The following CD96 variants were observed in gnomAD, a reference collection of about 807,000 sequenced individuals.
The protein encoded by CD96 is T-cell surface protein tactile.
A neutral mutation model predicts 71.3 loss-of-function variants in CD96; 70 were observed. The observed-to-expected ratio is 0.98, with a 90% CI of 0.81 to 1.20. CD96 has a LOEUF of 1.20. CD96 is among the 50% of genes most tolerant of loss of function. CD96 has a pLI of 0.00. For synonymous variants in CD96, 248 were observed against 233.0 expected (o/e 1.06, Z -0.59); for missense variants, 742 against 677.5 (o/e 1.10, Z -1.06).
chr3:111,616,516 T>C (rs1938244968), intron 8 of CD96, among the ~76,000 whole-genome samples: 1 of 151,826 alleles, frequency 6.6e-6, no homozygotes, highest in Non-Finnish European at 1.5e-5. Flanking sequence ...GTGCTAGACA[T>C]CATGAGTGAG....
downstream of CD96, among the ~76,000 whole-genome samples, chr3:111,654,172 T>A (rs1940173490): frequency 6.6e-6 from 1 of 152,218 alleles, no homozygotes; most frequent in African/African-American, 2.4e-5. Flanking sequence ...CCTAACCGAC[T>A]GTTTGACAAC....
intron 1 of CD96, 99 bp from the exon 2 acceptor site, chr3:111,544,947 C>A: frequency 1.0e-6 from 1 of 965,380 alleles, no homozygotes; most frequent in Non-Finnish European, 1.7e-6. Context: ...GAAATTTCCT[C>A]AGTTGCTCCC....
intron 10 of CD96, among the ~76,000 whole-genome samples, chr3:111,633,085 T>A (rs982446991): frequency 6.6e-6 from 1 of 152,208 alleles, no homozygotes; most frequent in African/African-American, 2.4e-5. Context: ...GCATTTGATT[T>A]AAAGTGAGAA....
chr3:111,623,792 A>G lies in CD96; in HGVS notation c.1219A>G (p.Ser407Gly). 1 of 1,612,608 alleles carries G rather than the reference A, an allele frequency of 6.2e-7. No individual in the cohort carries two copies. The highest frequency in any genetic ancestry group is 8.5e-7 in the Non-Finnish European group (1 of 1,178,590). Residue 407 changes from serine (S) to glycine (G), a missense_variant, in exon 9 of 14, where the codon AGT becomes GGT. Coordinates refer to ENST00000352690, the MANE Select transcript of CD96 (RefSeq NM_005816.5). ...ATCTTCAGTGACCCTTGTAGATGTGAGTGCCTTGAGGCCAAACACCACTCC... is the reference window on the plus strand; with the variant it reads ...ATCTTCAGTGACCCTTGTAGATGTGGGTGCCTTGAGGCCAAACACCACTCC... ...ATSSVTLVDV[S>G]ALRPNTTPQP...
chr3:111,594,990 C>T (rs1338103958), intron 5 of CD96: 1 of 167,034 alleles, frequency 6.0e-6, no homozygotes, highest in African/African-American at 2.4e-5. Flanking sequence ...AGGTGGAGCA[C>T]ATCTTCACAA....
At chr3:111,570,966 GC>G in intron 3 of CD96, 1 of 1,541,218 alleles carries the variant, frequency 6.5e-7, no homozygotes, top group Non-Finnish European at 9.0e-7. Context: ...GTGCTCTGAG[GC>G]CACCAGAGTG....
At chr3:111,597,982 A>T in intron 5 of CD96, 138 bp from the exon 6 acceptor site, 1 of 677,194 alleles carries the variant, frequency 1.5e-6, no homozygotes. Context: ...CCTATATTAA[A>T]AGTAGACATT....
intron 10 of CD96, among the ~76,000 whole-genome samples, chr3:111,628,559 C>T (rs981812408): frequency 2.0e-5 from 3 of 152,072 alleles, no homozygotes; most frequent in African/African-American, 7.2e-5. Flanking sequence ...GATTGGGGTA[C>T]CTGAAAGAGA....
Position 111,545,300 on chromosome 3 carries a change from A to G in CD96, c.316A>G (p.Arg106Gly). The change falls in exon 2 of 14, where the codon AGG becomes GGG. Residue 106 changes from arginine (R) to glycine (G), a missense_variant. Arg to Gly is a moderately radical substitution (Grantham distance 125). Transcript: ENST00000352690. ...ENGSKWTLHL[R>G]NMSCSVSGRY... is the part of the protein sequence containing the mutation. ...TGGGTCAAAATGGACTCTGCACTTA[A>G]GGAATATGTCTTGTTCAGTCAGTGG... The G allele has an allele frequency of 3.1e-6, 5 of 1,614,092 alleles. No homozygotes were observed. Among genetic ancestry groups the G allele is most frequent in the Non-Finnish European group, 4.2e-6 (5 of 1,179,922 alleles).
At chr3:111,659,426 T>C (rs1415578050) in intron 14 of CD96, among the ~76,000 whole-genome samples, 2 of 152,214 alleles carry the variant, frequency 1.3e-5, no homozygotes, top group Non-Finnish European at 2.9e-5. Context: ...GGTTTTCTAT[T>C]CTTTTAGGTG....
At chr3:111,582,693 T>C (rs1276531804) in intron 4 of CD96, among the ~76,000 whole-genome samples, 1 of 152,200 alleles carries the variant, frequency 6.6e-6, no homozygotes, top group Non-Finnish European at 1.5e-5. Flanking sequence ...TGAAAGGCAC[T>C]TCTTACATGG....
chr3:111,555,745 C>T (rs1350040408), intron 2 of CD96, among the ~76,000 whole-genome samples: 1 of 152,286 alleles, frequency 6.6e-6, no homozygotes, highest in Non-Finnish European at 1.5e-5. Flanking sequence ...TGTGTTTGTC[C>T]TATTCAGGTT....
At chr3:111,654,930 G>T (rs551644593), downstream of CD96, among the ~76,000 whole-genome samples, 1 of 152,226 alleles carries the variant, frequency 6.6e-6, no homozygotes, top group African/African-American at 2.4e-5. Flanking sequence ...AAGTTTGATA[G>T]TGGACCTCAT....
chr3:111,624,533 T>G, intron 10 of CD96, 129 bp downstream of exon 10: 1 of 706,960 alleles, frequency 1.4e-6, no homozygotes, highest in Non-Finnish European at 2.6e-6. Context: ...TCTATCATGT[T>G]TAAAGTATTG....
chr3:111,638,122 C>T lies in CD96; in HGVS notation c.1431C>T (p.Pro477=), dbSNP rs750238731. Residue 477 remains proline, a synonymous_variant, in exon 12 of 14, where the codon CCC becomes CCT. Transcript: ENST00000352690. ...CAGCCAGAGCATTTTCAGAAGTCCC[C>T]ACAACTGCCAATGGATCTACGAAAA... ...TSTARAFSEV[P]TTANGSTKTN... is the part of the protein sequence containing the mutation. The T allele has an allele frequency of 6.2e-7, 1 of 1,611,752 alleles. No individual in the cohort carries two copies. Among genetic ancestry groups the T allele is most frequent in the Non-Finnish European group, 8.5e-7 (1 of 1,177,908 alleles).
chr3:111,654,102 G>T (rs1050683215), downstream of CD96, among the ~76,000 whole-genome samples: 1 of 152,140 alleles, frequency 6.6e-6, no homozygotes, highest in Non-Finnish European at 1.5e-5. Flanking sequence ...GAACCTGAAG[G>T]TTGAATCTTC....
At chr3:111,656,463 C>A (rs1041851980), downstream of CD96, among the ~76,000 whole-genome samples, 5 of 152,112 alleles carry the variant, frequency 3.3e-5, no homozygotes, top group African/African-American at 1.2e-4. Flanking sequence ...TCTAACAAAA[C>A]TATATATTAA....
rs566112706 is a variant in CD96, at chr3:111,552,145, T to C, written c.418+6743T>C. Among the ~76,000 whole-genome samples, 723 of 152,036 alleles carry C rather than the reference T, an allele frequency of 4.8e-3. 4 individuals carry two copies. Among genetic ancestry groups the C allele is most frequent in the Middle Eastern group, 0.027 (8 of 294 alleles). ...CTGTGCCCACTTTTTAATGAGTTTG[T>C]TTTTTTTCTTGTAAATTTGTTTAAG... On this transcript the variant is annotated intron_variant, in intron 2 of 13. Transcript: ENST00000352690.
chr3:111,639,538 C>T (rs754370251), intron 12 of CD96, among the ~76,000 whole-genome samples: 7 of 152,172 alleles, frequency 4.6e-5, no homozygotes, highest in Non-Finnish European at 7.3e-5. Context: ...ATGGTCCTTC[C>T]CTATCCAACC....
Sources: allele counts gnomAD v4.1 joint callset (sites outside exome capture counted in the v4.1 genomes callset), GRCh38; gene constraint gnomAD v4.1.1; transcripts MANE v1.5; gene names NCBI Gene and HGNC (gene_info 2026-07-23, HGNC 2026-07-21).